GALNT17: variants seen among roughly 807,000 people sequenced by gnomAD.
GALNT17 encodes the protein polypeptide N-acetylgalactosaminyltransferase 17, also known as UDP-GalNAc:polypeptide N-acetylgalactosaminyltransferase-like 3.
GALNT17 carries 29 observed loss-of-function variants against 63.7 expected under a neutral mutation model. That is an observed-to-expected ratio of 0.46 (90% CI 0.34 to 0.62). GALNT17 has a LOEUF of 0.62. GALNT17 is among the 20% of genes least tolerant of loss of function. GALNT17 has a pLI of 0.01. For missense variants in GALNT17, 603 were observed against 799.6 expected (o/e 0.75, Z 2.97); for synonymous variants, 305 against 318.3 (o/e 0.96, Z 0.45).
chr7:71,189,584 CA>C (rs1175778100), intron 1 of GALNT17, among the ~76,000 whole-genome samples: 1 of 151,856 alleles, frequency 6.6e-6, no homozygotes, highest in African/African-American at 2.4e-5. Context: ...GGATGTGTTG[CA>C]GTGGTTGGTG....
chr7:71,135,231 T>G (rs1194909145), intron 1 of GALNT17, among the ~76,000 whole-genome samples: 1 of 152,172 alleles, frequency 6.6e-6, no homozygotes, highest in African/African-American at 2.4e-5. Flanking sequence ...TAAAATTCTA[T>G]AATAATAACT....
chr7:71,216,697 C>T (rs1406945241), intron 1 of GALNT17, among the ~76,000 whole-genome samples: 2 of 151,790 alleles, frequency 1.3e-5, no homozygotes, highest in Non-Finnish European at 2.9e-5. Flanking sequence ...CACATATACA[C>T]ATATATACAC....
In GALNT17 at chr7:71,372,699, C is replaced by G. The variant is rs145498463; in HGVS notation, c.423-15536C>G. Reference sequence around the variant, plus strand: ...CAACCCTCTGGTCTCAAGTGATCCTCTTGCCTCTGCTTCTCCAAGTGCTGA... The same window carrying G: ...CAACCCTCTGGTCTCAAGTGATCCTGTTGCCTCTGCTTCTCCAAGTGCTGA... On this transcript the variant is annotated intron_variant, in intron 2 of 10. Transcript: ENST00000333538. 7.9e-4 allele frequency among the ~76,000 whole-genome samples: 120 copies of G among 152,350 alleles called. No homozygotes were observed. In the East Asian group the frequency reaches 0.022, roughly 27 times the overall value.
chr7:71,690,081 G>C (rs1451104838), intron 9 of GALNT17, among the ~76,000 whole-genome samples: 1 of 149,936 alleles, frequency 6.7e-6, no homozygotes, highest in Non-Finnish European at 1.5e-5. Context: ...CTGGAGTGCA[G>C]TGGCGCAATC....
intron 6 of GALNT17, among the ~76,000 whole-genome samples, chr7:71,582,619 T>A (rs1457904544): frequency 6.6e-6 from 1 of 152,066 alleles, no homozygotes; most frequent in African/African-American, 2.4e-5. Flanking sequence ...ATATATACAA[T>A]GGAATACTAC....
chr7:71,589,718 A>T (rs928607455), intron 6 of GALNT17, among the ~76,000 whole-genome samples: 5 of 152,228 alleles, frequency 3.3e-5, no homozygotes, highest in African/African-American at 1.2e-4. Context: ...TATTTTACAG[A>T]TGATAATACT....
At chr7:71,270,988 T>C (rs997180399) in intron 1 of GALNT17, among the ~76,000 whole-genome samples, 3 of 152,032 alleles carry the variant, frequency 2.0e-5, no homozygotes, top group African/African-American at 7.2e-5. Context: ...GGGAAAGCGT[T>C]TTCTAGGAAT....
At chr7:71,217,145 G>GTTTT (rs1197080765) in intron 1 of GALNT17, among the ~76,000 whole-genome samples, 6 of 122,770 alleles carry the variant, frequency 4.9e-5, no homozygotes, top group South Asian at 2.4e-4. Flanking sequence ...TTCGTGTTTT[G>GTTTT]TTTTTTTTTT....
At chr7:71,484,181 T>C (rs756951084) in intron 5 of GALNT17, among the ~76,000 whole-genome samples, 1 of 152,220 alleles carries the variant, frequency 6.6e-6, no homozygotes, top group Non-Finnish European at 1.5e-5. Context: ...GGTCTTTTAC[T>C]ATGATTGTCA....
Position 71,571,313 on chromosome 7 carries a change from G to A in GALNT17, c.991G>A (p.Val331Met), listed in dbSNP as rs768467394. 3 of 1,613,912 alleles carry A rather than the reference G, an allele frequency of 1.9e-6. No individual in the cohort carries two copies. The highest frequency in any genetic ancestry group is 1.7e-6 in the Non-Finnish European group (2 of 1,179,944). ...CCCAGCCATGATAGGCTGCTCGTTC[G>A]TGGTCAACAGGAAGTTCTTCGGTGA... ...RTPAMIGCSF[V>M]VNRKFFGEIG... The change falls in exon 6 of 11, where the codon GTG becomes ATG. Residue 331 changes from valine (V) to methionine (M), a missense_variant. Physicochemically the swap from Val to Met is conservative, Grantham distance 21. Coordinates refer to ENST00000333538, the MANE Select transcript of GALNT17 (RefSeq NM_022479.3).
chr7:71,442,986 T>C (rs551171318), intron 5 of GALNT17, among the ~76,000 whole-genome samples: 1 of 152,256 alleles, frequency 6.6e-6, no homozygotes, highest in South Asian at 2.1e-4. Flanking sequence ...AAATGTTTCT[T>C]GAGTGTCTTT....
Position 71,605,458 on chromosome 7 carries a change from C to T in GALNT17, c.1080+34056C>T, listed in dbSNP as rs533276380. ...AAAATTAGCTGGGCGTGGTGGCGTG[C>T]GCTTGTAGTCCCAGCTACTCAGGAG... is the stretch of plus-strand genomic sequence containing the variant. On this transcript the variant is annotated intron_variant, in intron 6 of 10. Transcript: ENST00000333538. Among the ~76,000 whole-genome samples, 51 of 151,858 alleles carry T rather than the reference C, an allele frequency of 3.4e-4. No individual in the cohort carries two copies. In the South Asian group the frequency reaches 7.9e-3, roughly 24 times the overall value.
chr7:71,306,701 CTT>C (rs1183505907), intron 1 of GALNT17, among the ~76,000 whole-genome samples: 1 of 152,176 alleles, frequency 6.6e-6, no homozygotes, highest in African/African-American at 2.4e-5. Flanking sequence ...AATGTATCCT[CTT>C]TTGTTTATTC....
intron 1 of GALNT17, among the ~76,000 whole-genome samples, chr7:71,210,349 T>C (rs1164310037): frequency 6.6e-6 from 1 of 151,782 alleles, no homozygotes; most frequent in East Asian, 1.9e-4. Flanking sequence ...ATTGCCCAAG[T>C]TGGTTTTGGA....
intron 5 of GALNT17, among the ~76,000 whole-genome samples, chr7:71,461,463 C>T (rs1328830011): frequency 1.3e-5 from 2 of 152,078 alleles, no homozygotes; most frequent in Non-Finnish European, 2.9e-5. Flanking sequence ...ATTCTAAATA[C>T]AGAAGTGATA....
intron 3 of GALNT17, among the ~76,000 whole-genome samples, chr7:71,403,396 G>C (rs1297823909): frequency 6.6e-6 from 1 of 152,132 alleles, no homozygotes; most frequent in Non-Finnish European, 1.5e-5. Context: ...AGGTGGTTTG[G>C]TATTAGCAGA....
At chr7:71,168,245 G>C (rs1385599218) in intron 1 of GALNT17, among the ~76,000 whole-genome samples, 1 of 152,102 alleles carries the variant, frequency 6.6e-6, no homozygotes, top group Non-Finnish European at 1.5e-5. Context: ...CTTGTAATCA[G>C]GTAATGCTGG....
chr7:71,573,972 T>C (rs1789494165), intron 6 of GALNT17, among the ~76,000 whole-genome samples: 2 of 152,220 alleles, frequency 1.3e-5, no homozygotes, highest in South Asian at 4.1e-4. Flanking sequence ...GATAATGGCC[T>C]CCAGCTCCAT....
chr7:71,552,444 C>CTT (rs755171977), intron 5 of GALNT17, among the ~76,000 whole-genome samples: 7 of 138,346 alleles, frequency 5.1e-5, no homozygotes, highest in African/African-American at 1.3e-4. Context: ...GGCTGTGACT[C>CTT]TTTTTTTTTT....
Sources: gnomAD v4.1 joint callset for allele counts (sites outside exome capture counted in the v4.1 genomes callset) on GRCh38, gnomAD v4.1.1 for gene constraint, MANE v1.5 for transcripts, NCBI Gene and HGNC (gene_info 2026-07-23, HGNC 2026-07-21) for gene names.